The following ZBTB46 variants were observed in gnomAD, a reference collection of about 807,000 sequenced individuals.
ZBTB46 encodes the protein zinc finger and BTB domain-containing protein 46.
In ZBTB46, 8 loss-of-function variants were observed where a neutral mutation model predicts 44.1. That is an observed-to-expected ratio of 0.18 (90% CI 0.11 to 0.33). The LOEUF (loss-of-function observed/expected upper bound fraction) is 0.33. Ranked by LOEUF, ZBTB46 falls within the 10% of genes least tolerant of loss-of-function variation. The probability of loss-of-function intolerance (pLI) is 1.00; values close to 1 mark genes in which losing one functional copy is unlikely to be tolerated. For synonymous variants in ZBTB46, 409 were observed against 382.3 expected (o/e 1.07, Z -0.81); for missense variants, 651 against 847.7 (o/e 0.77, Z 2.88).
chr20:63,794,894 G>A (rs1292866854), intron 1 of ZBTB46, among the ~76,000 whole-genome samples: 4 of 152,198 alleles, frequency 2.6e-5, no homozygotes, highest in African/African-American at 7.2e-5. Flanking sequence ...CTGTGGCTGC[G>A]GCAAAGGCTC....
At chr20:63,782,736 G>A (rs941877797) in intron 2 of ZBTB46, among the ~76,000 whole-genome samples, 2 of 152,224 alleles carry the variant, frequency 1.3e-5, no homozygotes, top group East Asian at 1.9e-4. Flanking sequence ...TGCTGGCTGC[G>A]GCCGTGAGTC....
At chr20:63,756,435 C>A (rs1425237524) in intron 3 of ZBTB46, among the ~76,000 whole-genome samples, 1 of 152,208 alleles carries the variant, frequency 6.6e-6, no homozygotes, top group Non-Finnish European at 1.5e-5. Flanking sequence ...CAAAAGACTG[C>A]ACTTTGAGAG....
chr20:63,756,370 C>T (rs2092220420), intron 3 of ZBTB46, among the ~76,000 whole-genome samples: 1 of 152,220 alleles, frequency 6.6e-6, no homozygotes, highest in African/African-American at 2.4e-5. Flanking sequence ...TTTGCTGCTT[C>T]CTGAGTCTTC....
At position 63,744,064 on chromosome 20, in the gene ZBTB46, C is replaced by T. The variant is rs2092063298; in HGVS notation, c.*2866G>A. ...TTAAGAAAAGCACACACAGCACCCT[C>T]ACTACAAGTAGTTCTAAAAGGGCTG... On this transcript the variant is annotated 3_prime_UTR_variant, in exon 5 of 5. Transcript: ENST00000245663. The T allele has an allele frequency of 6.6e-6, 1 of 152,410 alleles. No individual in the cohort carries two copies. Among genetic ancestry groups the T allele is most frequent in the African/African-American group, 2.4e-5 (1 of 41,418 alleles). The allele number at this position is 152,410 out of a possible 1,614,324, so 9.4% of individuals were successfully genotyped here.
chr20:63,833,249 C>T (rs1372665137), upstream of ZBTB46, among the ~76,000 whole-genome samples: 1 of 152,148 alleles, frequency 6.6e-6, no homozygotes, highest in Admixed American at 6.5e-5. Flanking sequence ...GATCTCACCA[C>T]GACCCAGGCC....
Position 63,823,858 on chromosome 20 carries a change from T to TTGTG in ZBTB46, c.-34+7235_-34+7238dup, listed in dbSNP as rs11474683. On this transcript the variant is annotated intron_variant, in intron 1 of 4. Coordinates refer to ENST00000245663, the MANE Select transcript of ZBTB46 (RefSeq NM_001369741.1). Reference sequence around the variant, plus strand: ...TCCTGACCTTTGTCCTCTAGGAACCTTGTGTGTGTGTGTGTGTGTGTGTGT... The same window carrying TTGTG: ...TCCTGACCTTTGTCCTCTAGGAACCTTGTGTGTGTGTGTGTGTGTGTGTGTGTGT... Among the ~76,000 whole-genome samples, 716 of 144,812 alleles carry TTGTG rather than the reference T, an allele frequency of 4.9e-3. 4 individuals carry two copies. The highest frequency in any genetic ancestry group is 0.014 in the East Asian group (68 of 4,962).
At position 63,821,454 on chromosome 20, in the gene ZBTB46, T is replaced by TTC. The variant is rs1255670133; in HGVS notation, c.-34+9642_-34+9643insGA. ...AAGCAGGCACGCTTTTTTTTTTTTT[T>TTC]CTGAGACGGAGTTTCCCTCTTGTTG... is the stretch of plus-strand genomic sequence containing the variant. On this transcript the variant is annotated intron_variant, in intron 1 of 4. Coordinates refer to ENST00000245663, the MANE Select transcript of ZBTB46 (RefSeq NM_001369741.1). 6.5e-4 allele frequency among the ~76,000 whole-genome samples: 98 copies of TTC among 151,228 alleles called. 1 individual carries two copies. In the South Asian group the frequency reaches 0.01, roughly 16 times the overall value.
intron 2 of ZBTB46, among the ~76,000 whole-genome samples, chr20:63,776,544 C>T (rs2092427245): frequency 6.6e-6 from 1 of 152,206 alleles, no homozygotes; most frequent in South Asian, 2.1e-4. Flanking sequence ...TGGCTCAAGC[C>T]TGTGATCCCA....
At chr20:63,776,797 C>T (rs1226279139) in intron 2 of ZBTB46, among the ~76,000 whole-genome samples, 1 of 123,616 alleles carries the variant, frequency 8.1e-6, no homozygotes, top group East Asian at 2.2e-4. Flanking sequence ...GAACAACGCT[C>T]TGTCTCAAAA....
chr20:63,825,644 T>C (rs2092815933), intron 1 of ZBTB46, among the ~76,000 whole-genome samples: 3 of 152,154 alleles, frequency 2.0e-5, no homozygotes, highest in Admixed American at 1.3e-4. Flanking sequence ...ATGAGTGTGT[T>C]TCTAGAAAGC....
Position 63,815,958 on chromosome 20 carries a change from T to TGG in ZBTB46, c.-34+15138_-34+15139insCC, listed in dbSNP as rs1464924421. ...TGGGTGCAGGTACAGTGGGCACAGG[T>TGG]GCAGTGGGTGCAGGTACAGTGGGCG... On this transcript the variant is annotated intron_variant, in intron 1 of 4. Coordinates refer to ENST00000245663, the MANE Select transcript of ZBTB46 (RefSeq NM_001369741.1). Among the ~76,000 whole-genome samples, 673 of 133,558 alleles carry TGG rather than the reference T, an allele frequency of 5.0e-3. 11 individuals carry two copies. The highest frequency in any genetic ancestry group is 0.016 in the African/African-American group (520 of 33,080). 87.6% of individuals were successfully genotyped at this position (133,558 alleles called of 152,430 possible).
rs1366751053 is a variant in ZBTB46, at chr20:63,747,183, C to T, written c.1517G>A (p.Gly506Asp). The change falls in exon 5 of 5, where the codon GGC becomes GAC. Residue 506 changes from glycine (G) to aspartate (D), a missense_variant. By Grantham distance (94) the Gly-to-Asp change is moderately conservative (BLOSUM62 -1). Around this residue, in one of 5 missense-constraint regions of ZBTB46, gnomAD observed 75 missense variants for 107.8 expected, o/e 0.70. Coordinates refer to ENST00000245663, the MANE Select transcript of ZBTB46 (RefSeq NM_001369741.1). ...RRHGVCTDCA[G>D]RGMAGPLDHG... Reference sequence around the variant, plus strand: ...GTCCAGGGGCCCGGCCATGCCGCGGCCAGCACAGTCGGTGCACACACCGTG... The same window carrying T: ...GTCCAGGGGCCCGGCCATGCCGCGGTCAGCACAGTCGGTGCACACACCGTG... 1.2e-5 allele frequency: 19 copies of T among 1,608,726 alleles called. No homozygotes were observed. Among genetic ancestry groups the T allele is most frequent in the Admixed American group, 1.7e-5 (1 of 59,748 alleles).
chr20:63,758,952 CA>C (rs1294495331), intron 3 of ZBTB46, among the ~76,000 whole-genome samples: 1 of 152,088 alleles, frequency 6.6e-6, no homozygotes, highest in African/African-American at 2.4e-5. Context: ...AGGATGGTCT[CA>C]AATCTCCTGA....
At chr20:63,819,458 A>G (rs1007206606) in intron 1 of ZBTB46, among the ~76,000 whole-genome samples, 1 of 152,082 alleles carries the variant, frequency 6.6e-6, no homozygotes, top group African/African-American at 2.4e-5. Flanking sequence ...GTCTGTGATC[A>G]CAGCTCTGCT....
chr20:63,786,978 C>T (rs6062529), intron 2 of ZBTB46, among the ~76,000 whole-genome samples: 38,005 of 152,108 alleles, frequency 0.25, 4,880 homozygotes, highest in Middle Eastern at 0.35. Context: ...CATCCAGGGT[C>T]TGGCCGTAGC....
At chr20:63,789,738 C>T (rs761771682) in intron 2 of ZBTB46, 83 bp downstream of exon 2, 46 of 1,514,788 alleles carry the variant, frequency 3.0e-5, no homozygotes, top group Middle Eastern at 2.0e-4. Context: ...CCTGGACATG[C>T]GTCACTGCCT....
Position 63,790,748 on chromosome 20 carries a change from G to A in ZBTB46, c.10C>T (p.Arg4Ter), listed in dbSNP as rs1239013919. Residue 4 changes from arginine (R) to a stop codon, truncating the protein, a stop_gained, in exon 2 of 5, where the codon CGA (arginine) becomes TGA (stop). Transcript: ENST00000245663. LOFTEE classifies it high-confidence loss of function. ...GACGTGATTTCCATATCTTCCTTTC[G>A]GTTGTTCATTTGGAAGCCCTGGTGT... The part of the protein sequence containing the change: MNN[R>*]KEDMEITSHY... The A allele has an allele frequency of 1.9e-6, 3 of 1,601,644 alleles. No individual in the cohort carries two copies. The highest frequency in any genetic ancestry group is 2.2e-5 in the East Asian group (1 of 44,670).
Position 63,767,373 on chromosome 20 carries a change from C to T in ZBTB46, c.1222+8305G>A, listed in dbSNP as rs985585760. 2.0e-5 allele frequency among the ~76,000 whole-genome samples: 3 copies of T among 152,196 alleles called. No individual in the cohort carries two copies. The highest frequency in any genetic ancestry group is 2.0e-4 in the Admixed American group (3 of 15,286). The stretch of plus-strand genomic sequence containing the variant: ...GAGGTCCACCCGCCCCAGCTGCCCA[C>T]CGGCTGGGCATGGAGATGCCTTCAC... On this transcript the variant is annotated intron_variant, in intron 3 of 4. Coordinates refer to ENST00000245663, the MANE Select transcript of ZBTB46 (RefSeq NM_001369741.1). The surrounding 1 kb of genome is among the most constrained non-coding windows in gnomAD (Gnocchi z 5.0).
chr20:63,750,306 G>A (rs1471949094), intron 4 of ZBTB46, among the ~76,000 whole-genome samples: 2 of 152,100 alleles, frequency 1.3e-5, no homozygotes, highest in South Asian at 4.1e-4. Context: ...GTGCAGTGGT[G>A]CAATCACAGC....
Sources: allele counts gnomAD v4.1 joint callset (sites outside exome capture counted in the v4.1 genomes callset), GRCh38; gene constraint gnomAD v4.1.1; regional missense constraint gnomAD v4.1.1; non-coding constraint Gnocchi (gnomAD v3.1); transcripts MANE v1.5; gene names NCBI Gene and HGNC (gene_info 2026-07-23, HGNC 2026-07-21).